The following MAST4 variants were observed in gnomAD, a reference collection of about 807,000 sequenced individuals.
The protein encoded by MAST4 is microtubule-associated serine/threonine-protein kinase 4.
Under a neutral mutation model 162.7 loss-of-function variants are expected in MAST4, and 89 were observed. The observed-to-expected ratio is 0.55, with a 90% CI of 0.46 to 0.65. The LOEUF (loss-of-function observed/expected upper bound fraction) is 0.65, where lower values mean the gene tolerates loss of function less well. Ranked by LOEUF, MAST4 falls within the 30% of genes least tolerant of loss-of-function variation. The pLI is 0.00. For missense variants in MAST4, 3,153 were observed against 3,374.0 expected, an observed-to-expected ratio of 0.93 and a Z score of 1.62; for synonymous variants, 1,479 against 1,361.1, an observed-to-expected ratio of 1.09 and a Z score of -1.91.
At position 66,608,183 on chromosome 5, in the gene MAST4, G is replaced by A. The variant is rs113922945; in HGVS notation, c.363+11165G>A. Among the ~76,000 whole-genome samples, 903 of 150,420 alleles carry A rather than the reference G, an allele frequency of 6.0e-3. 3 individuals carry two copies. Among genetic ancestry groups the A allele is most frequent in the Non-Finnish European group, 9.6e-3 (653 of 67,688 alleles). ...AGTGATTCTCATGCCTCAGCCTCCC[G>A]AGTAGCTGGGATTACAGGCGTGCCA... On this transcript the variant is annotated intron_variant, in intron 1 of 28. Transcript: ENST00000403625.
At chr5:66,835,605 A>G (rs1216394042) in intron 3 of MAST4, among the ~76,000 whole-genome samples, 1 of 152,232 alleles carries the variant, frequency 6.6e-6, no homozygotes. Flanking sequence ...TAGATAAACT[A>G]TAAAAATTGA....
At chr5:66,848,392 A>G in intron 3 of MAST4, among the ~76,000 whole-genome samples, 1 of 152,160 alleles carries the variant, frequency 6.6e-6, no homozygotes, top group East Asian at 1.9e-4. Context: ...TCTTCTTTGA[A>G]GGATTAGTAT....
intron 4 of MAST4, among the ~76,000 whole-genome samples, chr5:66,924,650 C>T (rs943116678): frequency 1.7e-4 from 26 of 152,110 alleles, no homozygotes; most frequent in Non-Finnish European, 3.4e-4. Context: ...ACCTCTGCCC[C>T]CCAAAGTGGT....
chr5:66,599,237 G>A (rs1025174843), intron 1 of MAST4, among the ~76,000 whole-genome samples: 2 of 152,174 alleles, frequency 1.3e-5, no homozygotes, highest in African/African-American at 4.8e-5. Flanking sequence ...ACTGGTGATG[G>A]TATGGGGCAG....
At chr5:67,156,962 A>C (rs1312019831) in intron 26 of MAST4, among the ~76,000 whole-genome samples, 1 of 152,278 alleles carries the variant, frequency 6.6e-6, no homozygotes, top group African/African-American at 2.4e-5. Flanking sequence ...TGCACCAGTC[A>C]TGAAAATAGT....
chr5:66,645,296 G>A (rs185484954), intron 1 of MAST4, among the ~76,000 whole-genome samples: 46 of 152,316 alleles, frequency 3.0e-4, no homozygotes, highest in East Asian at 2.3e-3. Flanking sequence ...TACTCTGTCT[G>A]TTGTTTGCAT....
chr5:67,087,483 A>G (rs973991371), intron 5 of MAST4, among the ~76,000 whole-genome samples: 1 of 152,166 alleles, frequency 6.6e-6, no homozygotes, highest in Non-Finnish European at 1.5e-5. Context: ...TGGCTTTCCC[A>G]GTCTGAATTC....
intron 2 of MAST4, among the ~76,000 whole-genome samples, chr5:66,764,663 G>A (rs1305389953): frequency 1.3e-5 from 2 of 152,056 alleles, no homozygotes; most frequent in Non-Finnish European, 2.9e-5. Context: ...AGAAAAAAAA[G>A]CTTATAGAAT....
chr5:66,760,913 T>C (rs1753818882), intron 2 of MAST4, among the ~76,000 whole-genome samples: 1 of 152,224 alleles, frequency 6.6e-6, no homozygotes, highest in African/African-American at 2.4e-5. Context: ...CATTATATGA[T>C]TGGAACATCA....
intron 4 of MAST4, among the ~76,000 whole-genome samples, chr5:66,918,015 C>T (rs550534508): frequency 1.1e-4 from 16 of 149,144 alleles, no homozygotes; most frequent in Non-Finnish European, 7.5e-5. Flanking sequence ...ATCTCTTTAC[C>T]TGATGCCACT....
chr5:66,863,885 G>A (rs1760293844), intron 3 of MAST4, among the ~76,000 whole-genome samples: 1 of 152,122 alleles, frequency 6.6e-6, no homozygotes, highest in South Asian at 2.1e-4. Context: ...CTGGCCTAGG[G>A]GTGGAAAAAG....
intron 3 of MAST4, among the ~76,000 whole-genome samples, chr5:66,870,132 C>T (rs751780386): frequency 1.3e-5 from 2 of 152,158 alleles, no homozygotes; most frequent in African/African-American, 2.4e-5. Flanking sequence ...TTAACAGGAT[C>T]GGTCTTAGGA....
At chr5:66,647,929 C>T (rs1221615099) in intron 1 of MAST4, among the ~76,000 whole-genome samples, 1 of 151,860 alleles carries the variant, frequency 6.6e-6, no homozygotes, top group Non-Finnish European at 1.5e-5. Flanking sequence ...ACTATCTGTA[C>T]CTTAATTACT....
intron 1 of MAST4, among the ~76,000 whole-genome samples, chr5:66,735,186 C>A (rs866192214): frequency 1.3e-5 from 2 of 152,156 alleles, no homozygotes; most frequent in African/African-American, 2.4e-5. Flanking sequence ...ATTATTTAAA[C>A]CATTGAAACT....
At chr5:66,648,081 TGTGAGA>T (rs1257543143) in intron 1 of MAST4, among the ~76,000 whole-genome samples, 213 of 102,418 alleles carry the variant, frequency 2.1e-3, no homozygotes, top group African/African-American at 4.4e-3. Context: ...TGTGTGTGTG[TGTGAGA>T]GAGAGAGAGA....
rs962275370 is a variant in MAST4 at position 66,750,973 on chromosome 5, A to G, written c.364-8736A>G. Among the ~76,000 whole-genome samples, 34 of 152,202 alleles carry G rather than the reference A, an allele frequency of 2.2e-4. 1 individual carries two copies. The highest frequency in any genetic ancestry group is 8.8e-5 in the Non-Finnish European group (6 of 68,026). On this transcript the variant is annotated intron_variant, in intron 1 of 28. Transcript: ENST00000403625. Reference sequence around the variant, plus strand: ...TGAGAACAGGCAGACTGCCTTCTCAAGTGGGTCCCTGACCCCTGACCCCCA... The same window carrying G: ...TGAGAACAGGCAGACTGCCTTCTCAGGTGGGTCCCTGACCCCTGACCCCCA...
intron 1 of MAST4, among the ~76,000 whole-genome samples, chr5:66,669,339 T>C (rs1420527162): frequency 6.6e-6 from 1 of 152,228 alleles, no homozygotes; most frequent in Non-Finnish European, 1.5e-5. Context: ...CCTATGCGTA[T>C]TTATTTAAAA....
chr5:66,798,963 ACC>A (rs1399790321), intron 3 of MAST4, among the ~76,000 whole-genome samples: 6 of 152,118 alleles, frequency 3.9e-5, no homozygotes. Context: ...GATACTTTGT[ACC>A]CCCTTTTTAT....
At chr5:66,816,427 A>G (rs1400140452) in intron 3 of MAST4, among the ~76,000 whole-genome samples, 1 of 152,142 alleles carries the variant, frequency 6.6e-6, no homozygotes, top group Non-Finnish European at 1.5e-5. Context: ...AAGTTTTATA[A>G]TCATTTATGA....
Sources: allele counts gnomAD v4.1 joint callset (sites outside exome capture counted in the v4.1 genomes callset), GRCh38; gene constraint gnomAD v4.1.1; transcripts MANE v1.5; gene names NCBI Gene and HGNC (gene_info 2026-07-23, HGNC 2026-07-21).